TRPM3: variants seen among roughly 807,000 people sequenced by gnomAD.
TRPM3 encodes long transient receptor potential channel 3.
Under a neutral mutation model 181.2 loss-of-function variants are expected in TRPM3, and 77 were observed. That is an observed-to-expected ratio of 0.42 (90% confidence interval 0.35 to 0.51). The LOEUF is 0.51. TRPM3 is among the 20% of genes least tolerant of loss of function. The pLI, the probability that TRPM3 is intolerant of heterozygous loss-of-function variation, is 0.01. For missense variants in TRPM3, 1,759 were observed against 2,196.7 expected, an observed-to-expected ratio of 0.80 and a Z score of 3.98; for synonymous variants, 745 against 796.4, an observed-to-expected ratio of 0.94 and a Z score of 1.09.
intron 1 of TRPM3, among the ~76,000 whole-genome samples, chr9:71,260,362 G>C (rs147727078): frequency 6.6e-6 from 1 of 151,968 alleles, no homozygotes. Context: ...TTGGCTATGC[G>C]GGCTCTTTTT....
intron 8 of TRPM3, among the ~76,000 whole-genome samples, chr9:70,747,012 T>G (rs961273518): frequency 2.0e-5 from 3 of 152,176 alleles, no homozygotes; most frequent in Non-Finnish European, 4.4e-5. Context: ...TTAACAAAAT[T>G]TATAGATACT....
chr9:70,664,641 GTTTTTT>G (rs71367210), intron 9 of TRPM3, among the ~76,000 whole-genome samples: 1,262 of 100,080 alleles, frequency 0.013, 7 homozygotes, highest in Middle Eastern at 0.029. Context: ...TAGGAGAGTA[GTTTTTT>G]TTTTTTTTTT....
intron 1 of TRPM3, among the ~76,000 whole-genome samples, chr9:70,931,588 A>T (rs1423967530): frequency 1.3e-5 from 2 of 151,730 alleles, no homozygotes; most frequent in East Asian, 3.9e-4. Flanking sequence ...TCACCATTTG[A>T]CTCTTTTTTT....
At chr9:71,253,880 A>C (rs1437003354) in intron 1 of TRPM3, among the ~76,000 whole-genome samples, 2 of 152,184 alleles carry the variant, frequency 1.3e-5, no homozygotes, top group Non-Finnish European at 2.9e-5. Context: ...CGCAAAAAAG[A>C]AGGAAATTCT....
chr9:71,232,649 T>G (rs1451664787), intron 1 of TRPM3, among the ~76,000 whole-genome samples: 2 of 151,810 alleles, frequency 1.3e-5, no homozygotes, highest in Non-Finnish European at 2.9e-5. Context: ...TACAGGTGCA[T>G]GCCACCACAC....
intron 1 of TRPM3, among the ~76,000 whole-genome samples, chr9:71,390,676 T>C (rs927775731): frequency 1.4e-4 from 21 of 152,028 alleles, no homozygotes; most frequent in African/African-American, 4.8e-4. Flanking sequence ...CAATCATTGA[T>C]TCTCAAGTAC....
At chr9:70,619,401 G>A (rs547946498) in intron 16 of TRPM3, among the ~76,000 whole-genome samples, 14 of 123,580 alleles carry the variant, frequency 1.1e-4, no homozygotes, top group South Asian at 5.5e-4. Flanking sequence ...TGTCATCGTC[G>A]TCTTCTTTTT....
At chr9:70,779,471 A>C (rs1333040137) in intron 7 of TRPM3, among the ~76,000 whole-genome samples, 1 of 152,126 alleles carries the variant, frequency 6.6e-6, no homozygotes, top group African/African-American at 2.4e-5. Context: ...TTTCACACTG[A>C]CTTTTTTTAT....
chr9:71,050,654 C>T (rs2059965019), intron 1 of TRPM3, among the ~76,000 whole-genome samples: 1 of 152,228 alleles, frequency 6.6e-6, no homozygotes, highest in Non-Finnish European at 1.5e-5. Flanking sequence ...CTTAAACACA[C>T]TTCTGTTTAT....
chr9:71,368,499 A>T (rs2092410437), intron 1 of TRPM3, among the ~76,000 whole-genome samples: 1 of 152,144 alleles, frequency 6.6e-6, no homozygotes, highest in Admixed American at 6.5e-5. Context: ...AGTAGTTGGA[A>T]AGGCCCCTAA....
At position 70,533,368 on chromosome 9, in the gene TRPM3, T is replaced by C. The variant is rs1587945628; in HGVS notation, c.*2585A>G. 2.0e-5 allele frequency: 3 copies of C among 152,236 alleles called. No homozygotes were observed. Among genetic ancestry groups the C allele is most frequent in the Admixed American group, 6.5e-5 (1 of 15,278 alleles). 9.4% of individuals were successfully genotyped at this position (152,236 alleles called of 1,614,324 possible). A position where few individuals can be genotyped will look rare whatever the true frequency, so the allele number is the denominator to read the frequency against. On this transcript the variant is annotated 3_prime_UTR_variant, in exon 26 of 26. Transcript: ENST00000677713. ...ATGTTAGGATGTAAGTGCATTAAAT[T>C]GGCAACATCTAATTTAAAGAACAAA...
chr9:70,551,412 T>A (rs2046420062), intron 24 of TRPM3, among the ~76,000 whole-genome samples: 1 of 152,224 alleles, frequency 6.6e-6, no homozygotes. Context: ...CTGGCAATGC[T>A]TTCGTTGCTA....
At chr9:71,412,252 T>A (rs1409023112) in intron 1 of TRPM3, among the ~76,000 whole-genome samples, 1 of 151,928 alleles carries the variant, frequency 6.6e-6, no homozygotes, top group African/African-American at 2.4e-5. Context: ...ACAAATGGGA[T>A]CTAATTAAAC....
rs146973302 is a variant in TRPM3 at position 71,386,117 on chromosome 9, C to A, written c.183+60536G>T. ...ATGAATCCAAGATTTCTAGCTCAGT[C>A]GACAGAAAGAGGCAGAAAAGTGGTG... On this transcript the variant is annotated intron_variant, in intron 1 of 24. Transcript: ENST00000357533. Among the ~76,000 whole-genome samples, 83 of 152,118 alleles carry A rather than the reference C, an allele frequency of 5.5e-4. No homozygotes were observed. The East Asian group carries it at 0.012, about 23-fold the overall frequency.
intron 1 of TRPM3, among the ~76,000 whole-genome samples, chr9:70,927,689 T>G (rs898462887): frequency 1.2e-4 from 19 of 152,186 alleles, no homozygotes; most frequent in Non-Finnish European, 5.9e-5. Flanking sequence ...TGCAGTGCCC[T>G]GTTTTGTACC....
chr9:70,760,116 A>G (rs568675713), intron 8 of TRPM3, among the ~76,000 whole-genome samples: 2 of 152,160 alleles, frequency 1.3e-5, no homozygotes, highest in East Asian at 3.9e-4. Flanking sequence ...ATTTAGGCAG[A>G]ATTCTGCAAA....
chr9:71,123,303 G>C (rs2073836085), upstream of TRPM3, among the ~76,000 whole-genome samples: 1 of 152,182 alleles, frequency 6.6e-6, no homozygotes, highest in African/African-American at 2.4e-5. Flanking sequence ...TGATGTATTA[G>C]TTAACAGCAT....
At chr9:70,665,125 C>T (rs2061670818) in intron 9 of TRPM3, among the ~76,000 whole-genome samples, 1 of 152,126 alleles carries the variant, frequency 6.6e-6, no homozygotes, top group Non-Finnish European at 1.5e-5. Context: ...GAGGATTGCA[C>T]CCTGCCTGGA....
chr9:70,913,955 A>T (rs1289744425), intron 1 of TRPM3, among the ~76,000 whole-genome samples: 1 of 152,200 alleles, frequency 6.6e-6, no homozygotes, highest in Non-Finnish European at 1.5e-5. Flanking sequence ...TAAAGAAATG[A>T]AGGTATTGAC....
Sources: gnomAD v4.1 joint callset for allele counts (sites outside exome capture counted in the v4.1 genomes callset) on GRCh38, gnomAD v4.1.1 for gene constraint, MANE v1.5 for transcripts, NCBI Gene and HGNC (gene_info 2026-07-23, HGNC 2026-07-21) for gene names.